GPHN: variants seen among roughly 807,000 people sequenced by gnomAD.
GPHN encodes gephyrin.
A neutral mutation model predicts 95.5 loss-of-function variants in GPHN; 17 were observed. The observed-to-expected ratio is 0.18, with a 90% CI of 0.12 to 0.27. GPHN has a LOEUF of 0.27. Among genes scored for constraint, GPHN ranks in the 10% least tolerant of loss-of-function variants. The pLI is 1.00. For synonymous variants in GPHN, 320 were observed against 322.5 expected (o/e 0.99, Z 0.08); for missense variants, 660 against 978.1 (o/e 0.67, Z 4.34).
chr14:67,516,719 G>C, the GPHN span, among the ~76,000 whole-genome samples: 4 of 152,342 alleles, frequency 2.6e-5, no homozygotes, highest in African/African-American at 9.6e-5. Context: ...TCAAAGCTGG[G>C]AGTAGGAAAT....
chr14:66,839,539 C>CT (rs1034357988), intron 4 of GPHN, among the ~76,000 whole-genome samples: 4 of 152,030 alleles, frequency 2.6e-5, no homozygotes, highest in Admixed American at 6.6e-5. Context: ...TTTAAATACT[C>CT]TTTTTTTACA....
intron 21 of GPHN, among the ~76,000 whole-genome samples, chr14:67,175,359 G>C (rs2082870692): frequency 6.6e-6 from 1 of 152,110 alleles, no homozygotes; most frequent in African/African-American, 2.4e-5. Context: ...GCTTGTTTTT[G>C]TCAGGTTTGT....
intron 4 of GPHN, among the ~76,000 whole-genome samples, chr14:66,824,889 T>C (rs1191608102): frequency 6.6e-6 from 1 of 152,178 alleles, no homozygotes; most frequent in East Asian, 1.9e-4. Context: ...GCATGGCATC[T>C]GGTCTGATGT....
chr14:67,734,161 G>A, the GPHN span: 1 of 328,746 alleles, frequency 3.0e-6, no homozygotes, highest in East Asian at 7.3e-5. Flanking sequence ...GAGAAATTGG[G>A]TCAGTTCCCT....
At chr14:67,592,150 T>C in the GPHN span, 1 of 185,864 alleles carries the variant, frequency 5.4e-6, no homozygotes, top group African/African-American at 2.4e-5. Flanking sequence ...AAAATGTGCA[T>C]GAGGCCAGGT....
chr14:66,666,738 C>T (rs1262449703), intron 1 of GPHN, among the ~76,000 whole-genome samples: 1 of 152,176 alleles, frequency 6.6e-6, no homozygotes, highest in Non-Finnish European at 1.5e-5. Flanking sequence ...GACAAGGACG[C>T]CCTCTCTCAC....
intron 1 of GPHN, among the ~76,000 whole-genome samples, chr14:66,613,546 A>C (rs1384168132): frequency 6.6e-6 from 1 of 152,144 alleles, no homozygotes; most frequent in African/African-American, 2.4e-5. Context: ...CTGCTGACTC[A>C]AATTTTTGCT....
chr14:67,150,462 A>AAC (rs1555503619), intron 18 of GPHN, among the ~76,000 whole-genome samples: 6 of 149,540 alleles, frequency 4.0e-5, no homozygotes, highest in South Asian at 2.1e-4. Context: ...ACAAAAAAAA[A>AAC]AAAAAAAAAA....
intron 2 of GPHN, among the ~76,000 whole-genome samples, chr14:66,708,226 T>C (rs2069277378): frequency 6.7e-6 from 1 of 149,834 alleles, no homozygotes; most frequent in East Asian, 2.0e-4. Flanking sequence ...AAAAAAAAAA[T>C]GGCGAGCTTA....
chr14:66,836,759 C>A (rs1337372285), intron 4 of GPHN, among the ~76,000 whole-genome samples: 1 of 151,624 alleles, frequency 6.6e-6, no homozygotes, highest in Non-Finnish European at 1.5e-5. Flanking sequence ...AAAAAACAAA[C>A]AACCCCATCA....
chr14:67,192,830 CTA>C, the GPHN span, among the ~76,000 whole-genome samples: 2,951 of 139,540 alleles, frequency 0.021, 38 homozygotes, highest in Non-Finnish European at 0.029. Flanking sequence ...ATGTACAGAT[CTA>C]TATATATATC....
chr14:67,086,366 T>G (rs1242818058), intron 11 of GPHN, among the ~76,000 whole-genome samples: 1 of 152,166 alleles, frequency 6.6e-6, no homozygotes, highest in Non-Finnish European at 1.5e-5. Context: ...GGCTGAAAAG[T>G]TCTGGTCGGG....
In GPHN at chr14:66,800,034, A is replaced by G. The variant is rs138226368; in HGVS notation, c.201+23513A>G. The stretch of plus-strand genomic sequence containing the variant: ...TTATAACATATTATTTTAACCTGAT[A>G]ACAACTTAACACTTTTTGCATAAAC... On this transcript the variant is annotated intron_variant, in intron 3 of 22. Coordinates refer to ENST00000478722, the MANE Select transcript of GPHN (RefSeq NM_020806.5). 7.1e-3 allele frequency among the ~76,000 whole-genome samples: 1,076 copies of G among 152,156 alleles called. 8 individuals carry two copies. Among genetic ancestry groups the G allele is most frequent in the Non-Finnish European group, 0.01 (708 of 67,916 alleles).
At chr14:67,536,373 C>T in the GPHN span, among the ~76,000 whole-genome samples, 2 of 151,884 alleles carry the variant, frequency 1.3e-5, no homozygotes, top group South Asian at 2.1e-4. Context: ...TAGTCAGCCA[C>T]GTCTGGCAGA....
At chr14:67,552,757 ACT>A in the GPHN span, among the ~76,000 whole-genome samples, 2 of 125,734 alleles carry the variant, frequency 1.6e-5, no homozygotes, top group East Asian at 4.4e-4. Context: ...ACAGAGCAAG[ACT>A]CTGTCTCAAA....
At chr14:66,891,324 C>A (rs1281520650) in intron 5 of GPHN, among the ~76,000 whole-genome samples, 4 of 151,902 alleles carry the variant, frequency 2.6e-5, no homozygotes, top group African/African-American at 9.7e-5. Flanking sequence ...GGAATAGAAA[C>A]AAGAGCCCAG....
chr14:66,785,492 G>A (rs547893799), intron 3 of GPHN, among the ~76,000 whole-genome samples: 1 of 151,882 alleles, frequency 6.6e-6, no homozygotes, highest in Non-Finnish European at 1.5e-5. Context: ...AATGTGAAAG[G>A]CTCAATCCAC....
At chr14:67,466,565 T>C in the GPHN span, among the ~76,000 whole-genome samples, 1 of 152,324 alleles carries the variant, frequency 6.6e-6, no homozygotes, top group East Asian at 1.9e-4. Context: ...CAGCCTGGCC[T>C]TTAGGGTGGG....
chr14:66,961,221 G>A (rs556722662), intron 8 of GPHN, among the ~76,000 whole-genome samples: 2 of 151,956 alleles, frequency 1.3e-5, no homozygotes, highest in East Asian at 3.9e-4. Flanking sequence ...CATTTACCTG[G>A]TTGTAAACAT....
Sources: gnomAD v4.1 joint callset for allele counts (sites outside exome capture counted in the v4.1 genomes callset) on GRCh38, gnomAD v4.1.1 for gene constraint, MANE v1.5 for transcripts, NCBI Gene and HGNC (gene_info 2026-07-23, HGNC 2026-07-21) for gene names.